PRKCQ: variants seen among roughly 807,000 people sequenced by gnomAD.
The protein encoded by PRKCQ is protein kinase C theta type.
Under a neutral mutation model 91.2 loss-of-function variants are expected in PRKCQ, and 41 were observed. That is an observed-to-expected ratio of 0.45 (90% CI 0.35 to 0.58). PRKCQ has a LOEUF of 0.58. PRKCQ is among the 20% of genes least tolerant of loss of function. PRKCQ has a pLI of 0.00. For synonymous variants in PRKCQ, 307 were observed against 316.9 expected (o/e 0.97, Z 0.33); for missense variants, 673 against 896.5 (o/e 0.75, Z 3.18).
the PRKCQ span, among the ~76,000 whole-genome samples, chr10:6,404,399 CTTTCCTT>C: frequency 6.6e-6 from 1 of 151,270 alleles, no homozygotes; most frequent in Non-Finnish European, 1.5e-5. Context: ...TCTTTTCTTT[CTTTCCTT>C]CTTTCTTTCT....
At chr10:6,501,355 A>G (rs780496575) in intron 4 of PRKCQ, among the ~76,000 whole-genome samples, 5 of 152,104 alleles carry the variant, frequency 3.3e-5, no homozygotes, top group Non-Finnish European at 7.3e-5. Flanking sequence ...TAAGGAAGAA[A>G]CTGCAGAGAG....
intron 1 of PRKCQ, among the ~76,000 whole-genome samples, chr10:6,550,257 C>T (rs1692992375): frequency 6.6e-6 from 1 of 152,152 alleles, no homozygotes; most frequent in African/African-American, 2.4e-5. Context: ...CTTTTTAAGG[C>T]TAATAGTCTA....
At chr10:6,455,841 G>T (rs1834973553) in intron 15 of PRKCQ, among the ~76,000 whole-genome samples, 1 of 152,192 alleles carries the variant, frequency 6.6e-6, no homozygotes, top group African/African-American at 2.4e-5. Context: ...ACTATGTTTT[G>T]CAAATTCCTG....
chr10:6,462,013 A>G (rs1835375654), intron 14 of PRKCQ, among the ~76,000 whole-genome samples: 2 of 152,214 alleles, frequency 1.3e-5, no homozygotes, highest in Non-Finnish European at 2.9e-5. Context: ...GTATGATAAG[A>G]AAGAGAAAAC....
chr10:6,456,994 G>A (rs575158079), intron 14 of PRKCQ, among the ~76,000 whole-genome samples, 182 bp from the exon 15 acceptor site: 3 of 152,286 alleles, frequency 2.0e-5, no homozygotes, highest in Non-Finnish European at 2.9e-5. Context: ...GCAAGGGCAC[G>A]CTGGCTGCTA....
chr10:6,578,605 C>T (rs1468488322), intron 1 of PRKCQ, among the ~76,000 whole-genome samples: 2 of 152,178 alleles, frequency 1.3e-5, no homozygotes, highest in African/African-American at 2.4e-5. Flanking sequence ...GCTCTCCCTA[C>T]GCCACGTCTT....
At chr10:6,419,670 C>T in the PRKCQ span, among the ~76,000 whole-genome samples, 2 of 147,470 alleles carry the variant, frequency 1.4e-5, no homozygotes, top group Non-Finnish European at 3.0e-5. Context: ...AAATCTCTGA[C>T]AGAACTGAAA....
intron 2 of PRKCQ, among the ~76,000 whole-genome samples, chr10:6,511,595 C>T (rs1838480199): frequency 6.6e-6 from 1 of 152,148 alleles, no homozygotes; most frequent in African/African-American, 2.4e-5. Context: ...AGTCTGAAGT[C>T]CATCTCCATG....
chr10:6,504,268 T>C (rs1026066011), intron 4 of PRKCQ, among the ~76,000 whole-genome samples: 2 of 152,238 alleles, frequency 1.3e-5, no homozygotes, highest in African/African-American at 2.4e-5. Flanking sequence ...TGAAATTTTG[T>C]AGACCAATAC....
At chr10:6,460,974 C>A (rs963536595) in intron 14 of PRKCQ, among the ~76,000 whole-genome samples, 1 of 151,100 alleles carries the variant, frequency 6.6e-6, no homozygotes, top group Non-Finnish European at 1.5e-5. Context: ...ATCCATCCAC[C>A]CATCTGTTCA....
chr10:6,454,193 T>C (rs1834882724), intron 15 of PRKCQ, among the ~76,000 whole-genome samples: 1 of 152,210 alleles, frequency 6.6e-6, no homozygotes, highest in Non-Finnish European at 1.5e-5. Context: ...TGACAATGTA[T>C]ATGATTCATA....
chr10:6,449,045 C>T (rs570816141), intron 15 of PRKCQ, among the ~76,000 whole-genome samples: 7 of 151,696 alleles, frequency 4.6e-5, no homozygotes, highest in African/African-American at 1.2e-4. Flanking sequence ...TCCAAAGGAA[C>T]GCAGTTCCTC....
At chr10:6,468,674 C>A (rs112968238) in intron 12 of PRKCQ, among the ~76,000 whole-genome samples, 1 of 152,000 alleles carries the variant, frequency 6.6e-6, no homozygotes, top group African/African-American at 2.4e-5. Context: ...AGTAAACCAA[C>A]GTAATAAATT....
At chr10:6,562,233 C>T (rs1161103558) in intron 1 of PRKCQ, among the ~76,000 whole-genome samples, 1 of 152,168 alleles carries the variant, frequency 6.6e-6, no homozygotes, top group Non-Finnish European at 1.5e-5. Context: ...ATGCCCCGGT[C>T]AGTGCTGGAC....
At chr10:6,404,819 C>T in the PRKCQ span, among the ~76,000 whole-genome samples, 1 of 133,166 alleles carries the variant, frequency 7.5e-6, no homozygotes, top group Non-Finnish European at 1.6e-5. Flanking sequence ...CTCTTTCATT[C>T]TTTCTTTCCT....
intron 15 of PRKCQ, among the ~76,000 whole-genome samples, chr10:6,456,054 G>A (rs568103378): frequency 1.3e-5 from 2 of 152,096 alleles, no homozygotes; most frequent in Admixed American, 6.5e-5. Context: ...CTGTGAAAAG[G>A]GGGGAGGTGG....
At chr10:6,446,497 C>T (rs1182905196) in intron 15 of PRKCQ, among the ~76,000 whole-genome samples, 1 of 151,444 alleles carries the variant, frequency 6.6e-6, no homozygotes, top group Non-Finnish European at 1.5e-5. Context: ...TCCTGGGGAG[C>T]TGGGATTACA....
intron 7 of PRKCQ, 145 bp from the exon 8 acceptor site, chr10:6,491,957 A>G (rs1837329629): frequency 7.9e-7 from 1 of 1,258,434 alleles, no homozygotes; most frequent in Non-Finnish European, 1.1e-6. Context: ...TCACTTGTCA[A>G]GCCCTACAGT....
the PRKCQ span, among the ~76,000 whole-genome samples, chr10:6,404,424 CTTT>C: frequency 9.1e-6 from 1 of 109,590 alleles, no homozygotes; most frequent in Non-Finnish European, 2.3e-5. Flanking sequence ...TCTTTTTTCT[CTTT>C]CTTTCTCTCT....
Sources: gnomAD v4.1 joint callset for allele counts (sites outside exome capture counted in the v4.1 genomes callset) on GRCh38, gnomAD v4.1.1 for gene constraint, MANE v1.5 for transcripts, NCBI Gene and HGNC (gene_info 2026-07-23, HGNC 2026-07-21) for gene names.